GPC5: variants seen among roughly 807,000 people sequenced by gnomAD.
GPC5 encodes glypican 5.
A neutral mutation model predicts 53.9 loss-of-function variants in GPC5; 47 were observed. The ratio of observed to expected loss-of-function variants is 0.87; its 90% CI spans 0.69 to 1.11. The LOEUF is 1.11. GPC5 is among the 50% of genes most tolerant of loss of function. GPC5 has a pLI of 0.00. For missense variants in GPC5, 748 were observed against 713.1 expected (o/e 1.05, Z -0.56); for synonymous variants, 286 against 263.3 (o/e 1.09, Z -0.84).
At chr13:92,606,335 G>C (rs531153678) in intron 7 of GPC5, among the ~76,000 whole-genome samples, 6 of 152,194 alleles carry the variant, frequency 3.9e-5, no homozygotes, top group African/African-American at 1.4e-4. Flanking sequence ...AGACCATGTG[G>C]TGTTTGGTTT....
chr13:91,648,358 G>GT (rs35289946), intron 2 of GPC5, among the ~76,000 whole-genome samples: 106 of 148,730 alleles, frequency 7.1e-4, no homozygotes, highest in Middle Eastern at 3.5e-3. Flanking sequence ...ATTAAGACAG[G>GT]TTTTTTTTTT....
intron 2 of GPC5, among the ~76,000 whole-genome samples, chr13:91,491,091 A>G (rs1232876212): frequency 1.3e-5 from 2 of 152,162 alleles, no homozygotes; most frequent in Non-Finnish European, 2.9e-5. Context: ...TCTGAGAGCC[A>G]TCTAGTCATG....
intron 7 of GPC5, among the ~76,000 whole-genome samples, chr13:92,166,054 G>A (rs928753898): frequency 1.3e-5 from 2 of 152,178 alleles, no homozygotes; most frequent in African/African-American, 4.8e-5. Context: ...TTTTGTGTAT[G>A]TGGGCGAAAT....
rs189841936 is a variant in GPC5, at chr13:91,869,438, C to A, written c.1281-38499C>A. Among the ~76,000 whole-genome samples the A allele has an allele frequency of 1.7e-3, 266 of 152,250 alleles. 1 individual carries two copies. The highest frequency in any genetic ancestry group is 5.3e-4 in the Non-Finnish European group (36 of 68,026). ...GAGTCCTAAAGGAAAAATATATGTA[C>A]CACACTACTGCAATATCTTCTGAAA... On this transcript the variant is annotated intron_variant, in intron 5 of 7. Transcript: ENST00000377067.
intron 3 of GPC5, among the ~76,000 whole-genome samples, chr13:91,726,785 C>A (rs1440165964): frequency 6.6e-6 from 1 of 152,172 alleles, no homozygotes; most frequent in African/African-American, 2.4e-5. Context: ...TTTCCATGGG[C>A]CTGCTGAAGG....
At chr13:92,321,910 AAATAT>A (rs2043218428) in intron 7 of GPC5, among the ~76,000 whole-genome samples, 1 of 152,272 alleles carries the variant, frequency 6.6e-6, no homozygotes, top group East Asian at 1.9e-4. Flanking sequence ...AATCAGAAAT[AAATAT>A]AATAATAGCA....
chr13:91,819,391 C>T (rs2038455141), intron 5 of GPC5, among the ~76,000 whole-genome samples: 1 of 151,842 alleles, frequency 6.6e-6, no homozygotes, highest in Non-Finnish European at 1.5e-5. Context: ...AAACTCCTGA[C>T]CTCGTGATTC....
chr13:91,691,774 AT>A (rs1481387041), intron 2 of GPC5, among the ~76,000 whole-genome samples: 3 of 152,046 alleles, frequency 2.0e-5, no homozygotes, highest in African/African-American at 7.2e-5. Flanking sequence ...GCACCTCTGC[AT>A]TTTGTTATTC....
At chr13:92,814,447 G>A (rs1042156847) in intron 7 of GPC5, among the ~76,000 whole-genome samples, 1 of 151,826 alleles carries the variant, frequency 6.6e-6, no homozygotes, top group African/African-American at 2.4e-5. Flanking sequence ...GATCACTTGA[G>A]GTCAGGAGTT....
intron 7 of GPC5, among the ~76,000 whole-genome samples, chr13:92,567,853 G>A (rs138996530): frequency 6.6e-6 from 1 of 152,208 alleles, no homozygotes; most frequent in East Asian, 1.9e-4. Flanking sequence ...CTAAGTTTGT[G>A]GCGATGTGGT....
At chr13:91,772,733 G>A (rs576437185) in intron 5 of GPC5, among the ~76,000 whole-genome samples, 3 of 152,224 alleles carry the variant, frequency 2.0e-5, no homozygotes, top group African/African-American at 7.2e-5. Flanking sequence ...GATTTCCCAA[G>A]CCTCAAGTGC....
chr13:92,166,329 C>T (rs1409558209), intron 7 of GPC5, among the ~76,000 whole-genome samples: 1 of 152,084 alleles, frequency 6.6e-6, no homozygotes, highest in Non-Finnish European at 1.5e-5. Flanking sequence ...TGTCCAGGAC[C>T]TTAACAAGTC....
intron 5 of GPC5, among the ~76,000 whole-genome samples, chr13:91,900,829 T>C (rs114308929): frequency 0.011 from 1,670 of 152,194 alleles, 12 homozygotes; most frequent in African/African-American, 0.021. Flanking sequence ...GTGCAGTCAT[T>C]AGTTTTTCAT....
At chr13:92,844,197 T>C (rs1308037856) in intron 7 of GPC5, among the ~76,000 whole-genome samples, 2 of 152,084 alleles carry the variant, frequency 1.3e-5, no homozygotes, top group African/African-American at 2.4e-5. Context: ...TCCATTTTCA[T>C]ACTAAATCTT....
chr13:92,085,909 C>T (rs555573620), intron 6 of GPC5, among the ~76,000 whole-genome samples: 5 of 152,276 alleles, frequency 3.3e-5, no homozygotes, highest in African/African-American at 9.6e-5. Flanking sequence ...GATGAAGCTT[C>T]GCTCACTCAG....
rs537591808 is a variant in GPC5, at chr13:91,687,283, C to T, written c.326-5904C>T. On this transcript the variant is annotated intron_variant, in intron 2 of 7. Coordinates refer to ENST00000377067, the MANE Select transcript of GPC5 (RefSeq NM_004466.6). ...ACATTTTTCACATTTAATTTTAAAT[C>T]GATATCACTCAATTTTATCTCTACC... Among the ~76,000 whole-genome samples, 55 of 151,962 alleles carry T rather than the reference C, an allele frequency of 3.6e-4. 4 individuals are homozygous for T. Among genetic ancestry groups the T allele is most frequent in the East Asian group, 1.9e-4 (1 of 5,182 alleles).
chr13:91,703,350 C>T (rs1269171186), intron 3 of GPC5, among the ~76,000 whole-genome samples: 3 of 151,992 alleles, frequency 2.0e-5, no homozygotes, highest in African/African-American at 7.2e-5. Context: ...ATAAATTCCT[C>T]CTATAACTTA....
At chr13:91,400,088 C>T (rs1876822331) in intron 1 of GPC5, among the ~76,000 whole-genome samples, 1 of 152,132 alleles carries the variant, frequency 6.6e-6, no homozygotes, top group Non-Finnish European at 1.5e-5. Flanking sequence ...AGCTGTCAAA[C>T]GCAATAGCAG....
intron 3 of GPC5, among the ~76,000 whole-genome samples, chr13:91,727,294 T>C (rs1421667444): frequency 1.3e-5 from 2 of 152,186 alleles, no homozygotes; most frequent in African/African-American, 4.8e-5. Flanking sequence ...GATAGTAGCC[T>C]TTCCCGGGGT....
Sources: gnomAD v4.1 joint callset for allele counts (sites outside exome capture counted in the v4.1 genomes callset) on GRCh38, gnomAD v4.1.1 for gene constraint, MANE v1.5 for transcripts, NCBI Gene and HGNC (gene_info 2026-07-23, HGNC 2026-07-21) for gene names.